USP8: variants seen among roughly 807,000 people sequenced by gnomAD.
USP8 encodes ubiquitin carboxyl-terminal hydrolase 8.
Under a neutral mutation model 130.0 loss-of-function variants are expected in USP8, and 27 were observed. The observed-to-expected ratio is 0.21, with a 90% CI of 0.15 to 0.29. The LOEUF is 0.29. USP8 is among the 10% of genes least tolerant of loss of function. The probability of loss-of-function intolerance (pLI) is 1.00; values close to 1 mark genes in which losing one functional copy is unlikely to be tolerated. For missense variants in USP8, 1,029 were observed against 1,312.2 expected (o/e 0.78, Z 3.33); for synonymous variants, 392 against 444.1 (o/e 0.88, Z 1.48).
Position 50,450,134 on chromosome 15 carries a change from A to G in USP8, c.335+649A>G, listed in dbSNP as rs540927566. 4.6e-5 allele frequency among the ~76,000 whole-genome samples: 7 copies of G among 151,824 alleles called. No individual in the cohort carries two copies. The East Asian group carries it at 1.4e-3, about 29-fold the overall frequency. Reference sequence around the variant, plus strand: ...GGTCTCGAGCTCCTGACCTCAAGTGATCCGCCCGCCTCAGCCTCCCAAAGT... The same window carrying G: ...GGTCTCGAGCTCCTGACCTCAAGTGGTCCGCCCGCCTCAGCCTCCCAAAGT... On this transcript the variant is annotated intron_variant, in intron 4 of 19. Coordinates refer to ENST00000307179, the MANE Select transcript of USP8 (RefSeq NM_005154.5).
At position 50,501,393 on chromosome 15, in the gene USP8, G is replaced by A. The variant is rs111228209; in HGVS notation, c.*2305G>A. 0.034 allele frequency: 5,153 copies of A among 151,898 alleles called. 288 individuals carry two copies. Among genetic ancestry groups the A allele is most frequent in the African/African-American group, 0.12 (4,950 of 41,238 alleles). The allele number at this position is 151,898 out of a possible 1,614,324, so 9.4% of individuals were successfully genotyped here. On this transcript the variant is annotated 3_prime_UTR_variant, in exon 20 of 20. Coordinates refer to ENST00000307179, the MANE Select transcript of USP8 (RefSeq NM_005154.5). ...GGAAGTTGGGGTGGGAGGATCTCTC[G>A]AGCCTGAGAGGTCGAGGCTGCAATG...
chr15:50,448,799 T>TA (rs2050520855), intron 3 of USP8, among the ~76,000 whole-genome samples: 1 of 152,098 alleles, frequency 6.6e-6, no homozygotes, highest in Admixed American at 6.6e-5. Context: ...GGATTACAGG[T>TA]TTGAGCCACT....
chr15:50,428,366 C>T (rs568511458), intron 1 of USP8, among the ~76,000 whole-genome samples: 51 of 152,314 alleles, frequency 3.3e-4, no homozygotes, highest in African/African-American at 1.1e-3. Context: ...ATCCACCTGC[C>T]TCGGCCTCCC....
chr15:50,433,900 C>T (rs988888769), intron 1 of USP8, among the ~76,000 whole-genome samples: 14 of 152,226 alleles, frequency 9.2e-5, no homozygotes, highest in Non-Finnish European at 1.3e-4. Flanking sequence ...CCACTGTGCA[C>T]GGCTGCATTT....
intron 4 of USP8, among the ~76,000 whole-genome samples, chr15:50,453,692 A>G (rs1476434911): frequency 1.3e-5 from 2 of 152,086 alleles, no homozygotes; most frequent in Non-Finnish European, 2.9e-5. Flanking sequence ...AAGTTGTAAC[A>G]ATTACTGAGA....
chr15:50,428,077 C>T (rs1200034530), intron 1 of USP8, among the ~76,000 whole-genome samples: 1 of 152,108 alleles, frequency 6.6e-6, no homozygotes. Flanking sequence ...TAAGGGTTAA[C>T]TAAGCCTTGT....
At chr15:50,490,569 T>C (rs1489817313) in intron 14 of USP8, 44 bp downstream of exon 14, 1 of 1,586,676 alleles carries the variant, frequency 6.3e-7, no homozygotes, top group Non-Finnish European at 8.5e-7. Context: ...TGTGCTGTAT[T>C]TCAAAGTTTC....
At chr15:50,454,119 C>T (rs1226174709) in intron 4 of USP8, among the ~76,000 whole-genome samples, 1 of 152,140 alleles carries the variant, frequency 6.6e-6, no homozygotes, top group Non-Finnish European at 1.5e-5. Context: ...CTGCCTTGGC[C>T]TCCCAAAGTG....
intron 3 of USP8, among the ~76,000 whole-genome samples, chr15:50,448,841 T>C (rs1038386949): frequency 6.6e-6 from 1 of 152,198 alleles, no homozygotes; most frequent in African/African-American, 2.4e-5. Context: ...ATTAATTATT[T>C]ATTTTCTATC....
chr15:50,438,008 A>G (rs1224245405), intron 1 of USP8, among the ~76,000 whole-genome samples: 1 of 152,260 alleles, frequency 6.6e-6, no homozygotes, highest in East Asian at 1.9e-4. Context: ...AATGATAAAA[A>G]TGAAATACTC....
At chr15:50,430,765 C>G (rs1398512253) in intron 1 of USP8, among the ~76,000 whole-genome samples, 1 of 152,138 alleles carries the variant, frequency 6.6e-6, no homozygotes, top group African/African-American at 2.4e-5. Flanking sequence ...TAACTGATTT[C>G]TAGTTAATAT....
intron 19 of USP8, 23 bp from the exon 20 acceptor site, chr15:50,498,880 T>G: frequency 1.3e-6 from 2 of 1,567,540 alleles, no homozygotes. Flanking sequence ...AATTGATTTT[T>G]TTTTCTATCT....
In USP8 at chr15:50,481,539, A is replaced by C. The variant is rs2051768059; in HGVS notation, c.1277A>C (p.Glu426Ala). ...KLPEEHRIKS[E>A]STNHEQQSPQ... Reference sequence around the variant, plus strand: ...CCTGAAGAGCATAGAATAAAATCTGAAAGTACAAACCATGAGCAACAATCT... The same window carrying C: ...CCTGAAGAGCATAGAATAAAATCTGCAAGTACAAACCATGAGCAACAATCT... The change falls in exon 11 of 20, where the codon GAA (glutamate) becomes GCA (alanine). Residue 426 changes from glutamate to alanine, a missense_variant. Physicochemically the swap from Glu to Ala is moderately radical, Grantham distance 107 (BLOSUM62 -1). This residue lies in a region of USP8 where 486 missense variants were observed against 522.0 expected (regional missense o/e 0.93). Transcript: ENST00000307179. The C allele has an allele frequency of 2.5e-6, 4 of 1,610,860 alleles. No individual in the cohort carries two copies. The South Asian group carries it at 4.4e-5, about 18-fold the overall frequency.
At chr15:50,435,467 C>T (rs2050067042) in intron 1 of USP8, among the ~76,000 whole-genome samples, 1 of 152,152 alleles carries the variant, frequency 6.6e-6, no homozygotes, top group Non-Finnish European at 1.5e-5. Flanking sequence ...GGGATTTGAA[C>T]ATCTGCAGAT....
In USP8 at chr15:50,476,854, A is replaced by G; in HGVS notation, c.855A>G (p.Glu285=). 1.3e-6 allele frequency: 2 copies of G among 1,557,848 alleles called. No individual in the cohort carries two copies. The highest frequency in any genetic ancestry group is 2.5e-5 in the South Asian group (2 of 80,868). ...TATGATTTCCTTATTTATAGTGGGA[A>G]AGTAAAACTGTCCTGCGCAATGAGC... ...RSLKDALFKW[E]SKTVLRNEPL... is the part of the protein sequence containing the mutation. The change falls in exon 9 of 20, where the codon GAA becomes GAG. Residue 285 remains glutamate (E), a synonymous_variant. Coordinates refer to ENST00000307179, the MANE Select transcript of USP8 (RefSeq NM_005154.5).
Position 50,430,570 on chromosome 15 carries a change from T to C in USP8, c.-66+6056T>C, listed in dbSNP as rs931722272. On this transcript the variant is annotated intron_variant, in intron 1 of 19. Coordinates refer to ENST00000307179, the MANE Select transcript of USP8 (RefSeq NM_005154.5). ...ATGCCACCATGCCCTGCTAATTTTT[T>C]ATTTTTTTATTTTTTTTTTGTAGTG... Among the ~76,000 whole-genome samples the C allele has an allele frequency of 3.3e-5, 5 of 151,992 alleles. 1 individual carries two copies. The highest frequency in any genetic ancestry group is 7.4e-5 in the Non-Finnish European group (5 of 67,994).
intron 1 of USP8, among the ~76,000 whole-genome samples, chr15:50,429,175 A>T (rs1398978583): frequency 6.6e-6 from 1 of 152,222 alleles, no homozygotes; most frequent in Non-Finnish European, 1.5e-5. Context: ...GGGGACTACT[A>T]CACTAAATTC....
In USP8 at chr15:50,484,335, G is replaced by T. The variant is rs1255643664; in HGVS notation, c.1864G>T (p.Asp622Tyr). Residue 622 changes from aspartate to tyrosine, a missense_variant, in exon 12 of 20, where the codon GAT (aspartate) becomes TAT (tyrosine). Physicochemically the swap from Asp to Tyr is radical, Grantham distance 160. Coordinates refer to ENST00000307179, the MANE Select transcript of USP8 (RefSeq NM_005154.5). Reference protein sequence around the residue: ...GILRTGTFREDTDDTERNKAQ... With the variant: ...GILRTGTFREYTDDTERNKAQ... ...TCTAAGGACAGGAACTTTTAGAGAG[G>T]ATACAGACGATACCGAAAGAAATAA... The T allele has an allele frequency of 6.2e-7, 1 of 1,611,786 alleles. No individual in the cohort carries two copies. Among genetic ancestry groups the T allele is most frequent in the Non-Finnish European group, 8.5e-7 (1 of 1,179,200 alleles).
chr15:50,438,959 G>T, intron 1 of USP8, 50 bp from the exon 2 acceptor site: 1 of 761,210 alleles, frequency 1.3e-6, no homozygotes, highest in Non-Finnish European at 2.1e-6. Context: ...CTGCTCACTT[G>T]TTTTATTGTG....
Sources: gnomAD v4.1 joint callset for allele counts (sites outside exome capture counted in the v4.1 genomes callset) on GRCh38, gnomAD v4.1.1 for gene constraint, gnomAD v4.1.1 regional missense constraint, MANE v1.5 for transcripts, NCBI Gene and HGNC (gene_info 2026-07-23, HGNC 2026-07-21) for gene names.